MDGA2: variants seen among roughly 807,000 people sequenced by gnomAD.
MDGA2 encodes the protein MAM domain containing glycosylphosphatidylinositol anchor 2, also known as MAM domain-containing glycosylphosphatidylinositol anchor protein 2.
Under a neutral mutation model 117.8 loss-of-function variants are expected in MDGA2, and 40 were observed. The observed-to-expected ratio is 0.34, with a 90% CI of 0.26 to 0.44. The LOEUF (loss-of-function observed/expected upper bound fraction) is 0.44. MDGA2 is among the 20% of genes least tolerant of loss of function. The pLI is 1.00. For missense variants in MDGA2, 1,123 were observed against 1,250.6 expected (o/e 0.90, Z 1.54); for synonymous variants, 452 against 439.0 (o/e 1.03, Z -0.37).
chr14:47,116,878 G>A, intron 5 of MDGA2, among the ~76,000 whole-genome samples: 1 of 150,128 alleles, frequency 6.7e-6, no homozygotes, highest in African/African-American at 2.5e-5. Context: ...TAACACAAAA[G>A]CATAGAAAAC....
At chr14:47,611,759 G>T (rs981666749) in intron 1 of MDGA2, among the ~76,000 whole-genome samples, 1 of 152,116 alleles carries the variant, frequency 6.6e-6, no homozygotes, top group African/African-American at 2.4e-5. Context: ...TAAGTGCTTG[G>T]AAAGCCACAT....
rs79144600 is a variant in MDGA2 at position 47,666,555 on chromosome 14, C to T, written c.280+7962G>A. ...TTGAGTCTAGCTCAGGGATTTTAAA[C>T]GCACCAATCAAGCACCCTGTCAAAA... On this transcript the variant is annotated intron_variant, in intron 1 of 16. Transcript: ENST00000399232. Among the ~76,000 whole-genome samples, 78 of 152,220 alleles carry T rather than the reference C, an allele frequency of 5.1e-4. No individual in the cohort carries two copies. In the East Asian group the frequency reaches 0.014, roughly 28 times the overall value.
intron 10 of MDGA2, among the ~76,000 whole-genome samples, chr14:46,901,003 A>C (rs1326690384): frequency 6.6e-6 from 1 of 152,162 alleles, no homozygotes; most frequent in Non-Finnish European, 1.5e-5. Flanking sequence ...TAATTATTTC[A>C]GAATAAATGA....
At chr14:47,382,220 CTTACAT>C (rs948510620) in intron 1 of MDGA2, among the ~76,000 whole-genome samples, 4 of 152,210 alleles carry the variant, frequency 2.6e-5, no homozygotes, top group African/African-American at 9.7e-5. Context: ...GGATTAAAGA[CTTACAT>C]GTTAGACCTA....
chr14:47,587,266 C>A (rs1364206826), intron 1 of MDGA2, among the ~76,000 whole-genome samples: 1 of 151,792 alleles, frequency 6.6e-6, no homozygotes, highest in Non-Finnish European at 1.5e-5. Context: ...ACCTACGAAA[C>A]AACCTGCACG....
intron 1 of MDGA2, among the ~76,000 whole-genome samples, chr14:47,323,179 TA>T (rs1890037769): frequency 1.3e-5 from 1 of 75,110 alleles, no homozygotes; most frequent in Non-Finnish European, 2.9e-5. Context: ...TATATATATA[TA>T]TATATATATA....
At chr14:46,860,455 A>C (rs1881464125) in intron 14 of MDGA2, among the ~76,000 whole-genome samples, 2 of 151,928 alleles carry the variant, frequency 1.3e-5, no homozygotes, top group Admixed American at 1.3e-4. Context: ...AGGCTGAATC[A>C]ATTTGCTAGT....
rs148022552 is a variant in MDGA2 at position 47,559,641 on chromosome 14, T to A, written c.280+114876A>T. 6.7e-3 allele frequency among the ~76,000 whole-genome samples: 1,011 copies of A among 151,714 alleles called. 15 individuals carry two copies. Among genetic ancestry groups the A allele is most frequent in the African/African-American group, 0.024 (972 of 41,360 alleles). On this transcript the variant is annotated intron_variant, in intron 1 of 16. Coordinates refer to ENST00000399232, the MANE Select transcript of MDGA2 (RefSeq NM_001113498.3). ...AGGCTGGAGTGCAATGGCACGATCT[T>A]GGCTCACTGCAACCCCCGCCTCCCG...
intron 11 of MDGA2, among the ~76,000 whole-genome samples, chr14:46,881,009 AACACACACAC>A (rs72117373): frequency 0.014 from 1,987 of 145,668 alleles, 38 homozygotes; most frequent in African/African-American, 0.047. Flanking sequence ...AACTATCACT[AACACACACAC>A]ACACACACAC....
intron 10 of MDGA2, among the ~76,000 whole-genome samples, chr14:46,894,708 T>C (rs763709151): frequency 6.6e-6 from 1 of 152,182 alleles, no homozygotes; most frequent in Admixed American, 6.5e-5. Context: ...AGAATTTGTA[T>C]GTATTACTGA....
intron 1 of MDGA2, among the ~76,000 whole-genome samples, chr14:47,478,303 G>T (rs1274165489): frequency 6.6e-6 from 1 of 152,078 alleles, no homozygotes; most frequent in Non-Finnish European, 1.5e-5. Context: ...CACATTGATG[G>T]CCAAAACAAA....
At chr14:47,142,162 AG>A (rs1208631010) in intron 4 of MDGA2, among the ~76,000 whole-genome samples, 1 of 152,126 alleles carries the variant, frequency 6.6e-6, no homozygotes, top group Non-Finnish European at 1.5e-5. Flanking sequence ...ATAGCCATAT[AG>A]CCGGGCACGG....
At chr14:47,515,935 T>A (rs188383965) in intron 1 of MDGA2, among the ~76,000 whole-genome samples, 73 of 152,266 alleles carry the variant, frequency 4.8e-4, no homozygotes, top group Non-Finnish European at 5.1e-4. Flanking sequence ...CATTTTTGAA[T>A]CATAATCAGT....
intron 3 of MDGA2, 87 bp from the exon 4 acceptor site, chr14:47,144,361 C>T (rs1384152869): frequency 4.6e-6 from 4 of 878,214 alleles, no homozygotes; most frequent in Non-Finnish European, 6.8e-6. Context: ...ACCAAAAATG[C>T]ATATTCCTCA....
At chr14:47,262,972 T>C (rs1050301085) in intron 2 of MDGA2, among the ~76,000 whole-genome samples, 5 of 152,116 alleles carry the variant, frequency 3.3e-5, no homozygotes, top group Admixed American at 2.0e-4. Context: ...CTTAACATTA[T>C]TGTGAGTTTT....
At chr14:46,866,422 C>A (rs573820862) in intron 14 of MDGA2, among the ~76,000 whole-genome samples, 6 of 152,174 alleles carry the variant, frequency 3.9e-5, no homozygotes, top group Middle Eastern at 3.4e-3. Flanking sequence ...AACGTTAGAC[C>A]TAAAACCATA....
intron 4 of MDGA2, 74 bp from the exon 5 acceptor site, chr14:47,131,920 C>T (rs1882226480): frequency 8.5e-7 from 1 of 1,182,490 alleles, no homozygotes. Context: ...CATCACATCA[C>T]ATTACATTGT....
intron 1 of MDGA2, among the ~76,000 whole-genome samples, chr14:47,346,692 A>T (rs1428997116): frequency 6.6e-6 from 1 of 152,224 alleles, no homozygotes; most frequent in African/African-American, 2.4e-5. Context: ...CTTATGGCAC[A>T]CATCCTATTT....
At chr14:47,187,656 A>T (rs952137975) in intron 3 of MDGA2, among the ~76,000 whole-genome samples, 1 of 152,094 alleles carries the variant, frequency 6.6e-6, no homozygotes, top group Non-Finnish European at 1.5e-5. Flanking sequence ...TTTCCTCTTT[A>T]AAAGTTTTGG....
Sources: gnomAD v4.1 joint callset for allele counts (sites outside exome capture counted in the v4.1 genomes callset) on GRCh38, gnomAD v4.1.1 for gene constraint, MANE v1.5 for transcripts, NCBI Gene and HGNC (gene_info 2026-07-23, HGNC 2026-07-21) for gene names.